TPRG1: variants seen among roughly 807,000 people sequenced by gnomAD.
The protein encoded by TPRG1 is tumor protein p63-regulated gene 1 protein.
Under a neutral mutation model 29.3 loss-of-function variants are expected in TPRG1, and 29 were observed. The observed-to-expected ratio is 0.99, with a 90% CI of 0.74 to 1.35. The LOEUF is 1.35. TPRG1 is among the 40% of genes most tolerant of loss of function. The pLI, the probability that TPRG1 is intolerant of heterozygous loss-of-function variation, is 0.00. For synonymous variants in TPRG1, 130 were observed against 116.8 expected (o/e 1.11, Z -0.73); for missense variants, 327 against 335.0 (o/e 0.98, Z 0.19).
At chr3:189,312,740 A>T (rs1722907244) in intron 5 of TPRG1, among the ~76,000 whole-genome samples, 1 of 152,250 alleles carries the variant, frequency 6.6e-6, no homozygotes, top group South Asian at 2.1e-4. Context: ...AAAAATAAAG[A>T]TGAAAAGTAA....
At chr3:189,248,486 TATTA>T (rs1353263037) in intron 4 of TPRG1, among the ~76,000 whole-genome samples, 1 of 151,516 alleles carries the variant, frequency 6.6e-6, no homozygotes, top group African/African-American at 2.4e-5. Flanking sequence ...CTGTATTATG[TATTA>T]ATTCTATATT....
chr3:189,042,618 C>T (rs1414162574), intron 4 of TPRG1, among the ~76,000 whole-genome samples: 3 of 151,844 alleles, frequency 2.0e-5, no homozygotes, highest in African/African-American at 7.3e-5. Flanking sequence ...GTTGGCTCAC[C>T]AACCCAGGTC....
intron 1 of TPRG1, among the ~76,000 whole-genome samples, chr3:189,206,080 T>TTTTTC (rs1553922132): frequency 0.052 from 7,297 of 140,784 alleles, 239 homozygotes; most frequent in Middle Eastern, 0.11. Context: ...CTTTCTTTCT[T>TTTTTC]TTTCTTTCTT....
chr3:189,251,166 G>C (rs1367221511), intron 4 of TPRG1, among the ~76,000 whole-genome samples: 1 of 150,666 alleles, frequency 6.6e-6, no homozygotes, highest in Non-Finnish European at 1.5e-5. Flanking sequence ...GCTCCTCTCT[G>C]TTACTGTAAC....
At chr3:189,194,766 T>C (rs978431338) in intron 1 of TPRG1, among the ~76,000 whole-genome samples, 4 of 152,114 alleles carry the variant, frequency 2.6e-5, no homozygotes, top group Admixed American at 6.5e-5. Flanking sequence ...CTATAGACCC[T>C]GGGATTTCAG....
chr3:189,242,757 G>T (rs939639129), intron 4 of TPRG1, among the ~76,000 whole-genome samples: 5 of 151,302 alleles, frequency 3.3e-5, no homozygotes, highest in Non-Finnish European at 7.4e-5. Context: ...ATCATTTCTT[G>T]GTGGGAAATT....
chr3:189,235,734 G>T (rs1739355170), intron 3 of TPRG1, among the ~76,000 whole-genome samples: 1 of 152,134 alleles, frequency 6.6e-6, no homozygotes, highest in Non-Finnish European at 1.5e-5. Flanking sequence ...GTAGTACTGA[G>T]GAGAAAGCAA....
chr3:189,174,484 A>G (rs1729223407), intron 1 of TPRG1, among the ~76,000 whole-genome samples: 1 of 152,070 alleles, frequency 6.6e-6, no homozygotes, highest in African/African-American at 2.4e-5. Flanking sequence ...AAGTGTTTGA[A>G]TTTTCCACTT....
intron 4 of TPRG1, among the ~76,000 whole-genome samples, chr3:189,291,059 A>G (rs1326950877): frequency 6.6e-6 from 1 of 151,688 alleles, no homozygotes; most frequent in Non-Finnish European, 1.5e-5. Context: ...CCACCACCAC[A>G]CCTGGCTAAT....
intron 3 of TPRG1, among the ~76,000 whole-genome samples, chr3:189,020,635 A>G (rs1212646630): frequency 6.8e-6 from 1 of 146,428 alleles, no homozygotes; most frequent in Non-Finnish European, 1.5e-5. Flanking sequence ...TTTGCTGAGG[A>G]GAGCTTTACT....
chr3:189,057,916 CTT>C (rs1300340311), intron 4 of TPRG1, among the ~76,000 whole-genome samples: 43 of 146,666 alleles, frequency 2.9e-4, no homozygotes, highest in African/African-American at 1.0e-3. Flanking sequence ...ACGTATATAT[CTT>C]GTATATATGA....
At chr3:189,062,952 C>T (rs976068863) in intron 4 of TPRG1, among the ~76,000 whole-genome samples, 10 of 151,928 alleles carry the variant, frequency 6.6e-5, no homozygotes, top group African/African-American at 2.4e-4. Context: ...TATCTGAATA[C>T]ATCAATCAAA....
At chr3:189,239,118 C>T (rs1740070924) in intron 4 of TPRG1, among the ~76,000 whole-genome samples, 1 of 152,156 alleles carries the variant, frequency 6.6e-6, no homozygotes, top group Non-Finnish European at 1.5e-5. Context: ...TTCGTTTTCA[C>T]ACTGCTCATA....
chr3:189,089,093 C>T (rs1718167586), intron 4 of TPRG1, among the ~76,000 whole-genome samples: 1 of 151,874 alleles, frequency 6.6e-6, no homozygotes, highest in Non-Finnish European at 1.5e-5. Flanking sequence ...CATCTGTGTT[C>T]TTAAGTCCAA....
chr3:189,081,882 A>G (rs544982722), intron 4 of TPRG1, among the ~76,000 whole-genome samples: 1 of 152,204 alleles, frequency 6.6e-6, no homozygotes, highest in Admixed American at 6.5e-5. Context: ...AGTGTTATTT[A>G]ACTGTCTTTG....
intron 4 of TPRG1, among the ~76,000 whole-genome samples, chr3:189,272,887 G>A (rs1343692506): frequency 6.6e-6 from 1 of 152,106 alleles, no homozygotes; most frequent in Non-Finnish European, 1.5e-5. Flanking sequence ...GAAAGGTGGT[G>A]CTAGAGACTC....
chr3:189,155,469 G>T (rs963737702), intron 5 of TPRG1, among the ~76,000 whole-genome samples: 13 of 152,048 alleles, frequency 8.5e-5, no homozygotes, highest in Admixed American at 3.3e-4. Flanking sequence ...GATTATTCTG[G>T]GTTATCCATG....
chr3:189,206,672 T>C (rs1199925129), intron 1 of TPRG1, among the ~76,000 whole-genome samples: 3 of 152,018 alleles, frequency 2.0e-5, no homozygotes, highest in African/African-American at 7.2e-5. Context: ...GGCTAATTTT[T>C]GTATTTTTTG....
intron 5 of TPRG1, among the ~76,000 whole-genome samples, chr3:189,158,615 TA>T (rs200951915): frequency 0.01 from 1,533 of 150,268 alleles, 26 homozygotes; most frequent in African/African-American, 0.035. Context: ...TCTCAAAAAA[TA>T]AAAAAAAATA....
Sources: allele counts gnomAD v4.1 joint callset (sites outside exome capture counted in the v4.1 genomes callset), GRCh38; gene constraint gnomAD v4.1.1; transcripts MANE v1.5; gene names NCBI Gene and HGNC (gene_info 2026-07-23, HGNC 2026-07-21).